Variants in PHKB observed in about 807,000 individuals in gnomAD.
The protein encoded by PHKB is phosphorylase kinase regulatory subunit beta.
In PHKB, 122 loss-of-function variants were observed where a neutral mutation model predicts 152.1. The ratio of observed to expected loss-of-function variants is 0.80; its 90% CI spans 0.69 to 0.93. The LOEUF (loss-of-function observed/expected upper bound fraction) is 0.93. Ranked by LOEUF, PHKB falls within the 40% of genes least tolerant of loss-of-function variation. PHKB has a pLI of 0.00. For synonymous variants in PHKB, 436 were observed against 464.9 expected (o/e 0.94, Z 0.80); for missense variants, 1,304 against 1,328.4 (o/e 0.98, Z 0.29).
intron 8 of PHKB, among the ~76,000 whole-genome samples, chr16:47,585,734 A>G (rs1033472047): frequency 6.6e-6 from 1 of 152,228 alleles, no homozygotes; most frequent in Non-Finnish European, 1.5e-5. Flanking sequence ...AGAAAAATTG[A>G]GAGCTGAATA....
intron 9 of PHKB, among the ~76,000 whole-genome samples, chr16:47,588,379 A>G (rs1213068248): frequency 6.6e-6 from 1 of 151,596 alleles, no homozygotes; most frequent in Non-Finnish European, 1.5e-5. Context: ...CAATCTTGAC[A>G]ACATTTGGGT....
intron 1 of PHKB, among the ~76,000 whole-genome samples, chr16:47,479,140 C>T (rs1969920909): frequency 6.6e-6 from 1 of 152,064 alleles, no homozygotes; most frequent in South Asian, 2.1e-4. Flanking sequence ...GGGGAAAGTA[C>T]TTATACGGTT....
chr16:47,560,796 T>C (rs902252797), intron 7 of PHKB, among the ~76,000 whole-genome samples: 4 of 152,188 alleles, frequency 2.6e-5, no homozygotes, highest in African/African-American at 9.7e-5. Context: ...TATGTAAGAG[T>C]TAAAAGTATA....
At chr16:47,528,007 A>AT (rs1421264702) in intron 6 of PHKB, among the ~76,000 whole-genome samples, 1 of 152,204 alleles carries the variant, frequency 6.6e-6, no homozygotes, top group Non-Finnish European at 1.5e-5. Context: ...GGACTATGGT[A>AT]TTTTATATGG....
Position 47,664,930 on chromosome 16 carries a change from C to A in PHKB, c.2382C>A (p.Ser794=). 1 of 1,613,828 alleles carries A rather than the reference C, an allele frequency of 6.2e-7. No homozygotes were observed. Among genetic ancestry groups the A allele is most frequent in the Non-Finnish European group, 8.5e-7 (1 of 1,179,818 alleles). Residue 794 remains serine (S), a synonymous_variant, in exon 25 of 31, where the codon TCC becomes TCA. Transcript: ENST00000323584. The part of the protein sequence containing the change: ...YGAAFTQKFS[S]SIAPHITTFL... ...CTGCATTTACCCAGAAATTTTCTTC[C>A]TCTATAGCCCCACACATTACTACTT...
At chr16:47,525,984 C>T (rs1363795303) in intron 6 of PHKB, among the ~76,000 whole-genome samples, 2 of 152,108 alleles carry the variant, frequency 1.3e-5, no homozygotes, top group Non-Finnish European at 2.9e-5. Context: ...GGATAGCTGG[C>T]CCTGGGGCAG....
intron 7 of PHKB, among the ~76,000 whole-genome samples, chr16:47,571,913 C>A (rs1971666238): frequency 6.6e-6 from 1 of 152,104 alleles, no homozygotes; most frequent in Non-Finnish European, 1.5e-5. Flanking sequence ...GTGGTGCACT[C>A]CCCATTCCCA....
At chr16:47,629,885 G>A (rs1443090284) in intron 14 of PHKB, among the ~76,000 whole-genome samples, 1 of 152,066 alleles carries the variant, frequency 6.6e-6, no homozygotes, top group Non-Finnish European at 1.5e-5. Context: ...GGACATGGAT[G>A]AAATTGGAAA....
At chr16:47,624,279 A>T (rs1032242702) in intron 14 of PHKB, among the ~76,000 whole-genome samples, 6 of 152,222 alleles carry the variant, frequency 3.9e-5, no homozygotes, top group African/African-American at 1.4e-4. Context: ...GTATCTGGAC[A>T]CTAATTATGG....
chr16:47,644,301 C>A (rs1973078004), intron 16 of PHKB, among the ~76,000 whole-genome samples: 1 of 152,174 alleles, frequency 6.6e-6, no homozygotes, highest in African/African-American at 2.4e-5. Flanking sequence ...ACTGCTATTC[C>A]AGAATCAATA....
At chr16:47,608,000 T>C (rs747859452) in intron 13 of PHKB, among the ~76,000 whole-genome samples, 4 of 152,118 alleles carry the variant, frequency 2.6e-5, no homozygotes, top group Non-Finnish European at 5.9e-5. Context: ...AAAGCCTATA[T>C]AGACACTGTG....
rs1204901867 is a variant in PHKB at position 47,646,406 on chromosome 16, G to A, written c.1609-2127G>A. 7.4e-5 allele frequency among the ~76,000 whole-genome samples: 8 copies of A among 108,748 alleles called. No individual in the cohort carries two copies. The South Asian group carries it at 1.1e-3, about 15-fold the overall frequency. 71.3% of individuals were successfully genotyped at this position (108,748 alleles called of 152,430 possible). A position where few individuals can be genotyped will look rare whatever the true frequency, so the allele number is the denominator to read the frequency against. The stretch of plus-strand genomic sequence containing the variant: ...GGGGTCGGGGGAGGGGGGAGGGATA[G>A]CATTGGGAGATATACCTAATGCTAG... On this transcript the variant is annotated intron_variant, in intron 16 of 30. Transcript: ENST00000323584.
intron 7 of PHKB, chr16:47,565,994 C>T: frequency 1.3e-6 from 1 of 757,882 alleles, no homozygotes; most frequent in Non-Finnish European, 2.2e-6. Flanking sequence ...ACCGATCATC[C>T]CGTCTGTTGG....
At chr16:47,621,026 G>A (rs1972609202) in intron 14 of PHKB, among the ~76,000 whole-genome samples, 1 of 152,208 alleles carries the variant, frequency 6.6e-6, no homozygotes, top group Non-Finnish European at 1.5e-5. Flanking sequence ...GAGCAGCAAA[G>A]CACTGGCAGA....
intron 16 of PHKB, among the ~76,000 whole-genome samples, chr16:47,647,109 T>G (rs768656582): frequency 1.5e-4 from 22 of 151,662 alleles, no homozygotes; most frequent in Non-Finnish European, 2.8e-4. Flanking sequence ...ATTTATTTAT[T>G]TATGTATTTA....
intron 20 of PHKB, among the ~76,000 whole-genome samples, chr16:47,652,890 G>A (rs1201033238): frequency 6.6e-6 from 1 of 152,052 alleles, no homozygotes; most frequent in South Asian, 2.1e-4. Flanking sequence ...TGATCCTCCT[G>A]TCTCGGCCTC....
intron 3 of PHKB, among the ~76,000 whole-genome samples, chr16:47,502,446 T>C (rs1970338965): frequency 6.6e-6 from 1 of 152,230 alleles, no homozygotes. Flanking sequence ...TATAAAGCTC[T>C]ATGCCAAAAT....
intron 4 of PHKB, among the ~76,000 whole-genome samples, chr16:47,510,761 A>G (rs1352253204): frequency 6.6e-6 from 1 of 152,232 alleles, no homozygotes; most frequent in African/African-American, 2.4e-5. Flanking sequence ...ATGGTTCTAT[A>G]TAGTTTCATA....
At chr16:47,657,852 TC>T (rs1232494750) in intron 20 of PHKB, among the ~76,000 whole-genome samples, 1 of 152,176 alleles carries the variant, frequency 6.6e-6, no homozygotes, top group African/African-American at 2.4e-5. Context: ...TATTATTAAA[TC>T]CTATTGTCTC....
Sources: gnomAD v4.1 joint callset for allele counts (sites outside exome capture counted in the v4.1 genomes callset) on GRCh38, gnomAD v4.1.1 for gene constraint, MANE v1.5 for transcripts, NCBI Gene and HGNC (gene_info 2026-07-23, HGNC 2026-07-21) for gene names.